Variants in NR1H4 observed in about 807,000 individuals in gnomAD.
NR1H4 encodes nuclear receptor subfamily 1 group H member 4.
NR1H4 carries 23 observed loss-of-function variants against 58.5 expected under a neutral mutation model. The ratio of observed to expected loss-of-function variants is 0.39; its 90% CI spans 0.28 to 0.56. The LOEUF is 0.56. NR1H4 is among the 20% of genes least tolerant of loss of function. The pLI, the probability that NR1H4 is intolerant of heterozygous loss-of-function variation, is 0.58. For synonymous variants in NR1H4, 214 were observed against 198.0 expected (o/e 1.08, Z -0.68); for missense variants, 487 against 576.9 (o/e 0.84, Z 1.60).
At chr12:100,546,252 G>A (rs890682759) in intron 9 of NR1H4, among the ~76,000 whole-genome samples, 5 of 152,086 alleles carry the variant, frequency 3.3e-5, no homozygotes, top group African/African-American at 1.2e-4. Flanking sequence ...GCACTTTGAG[G>A]TAGATATTAT....
chr12:100,482,042 C>T (rs1953393287), intron 1 of NR1H4, among the ~76,000 whole-genome samples: 1 of 152,164 alleles, frequency 6.6e-6, no homozygotes, highest in Non-Finnish European at 1.5e-5. Context: ...GTCAAGACTG[C>T]AGCGAGCTAA....
In NR1H4 at chr12:100,534,895, T is replaced by C; in HGVS notation, c.604T>C (p.Leu202=). ...TCTATGCTTATTTGTTTTAGGCTTGTTAACTGAAATTCAGTGTAAATCTAA... is the reference window on the plus strand; with the variant it reads ...TCTATGCTTATTTGTTTTAGGCTTGCTAACTGAAATTCAGTGTAAATCTAA... ...MLAECMYTGL[L]TEIQCKSKRL... Residue 202 remains leucine, a synonymous_variant, in exon 6 of 11, where the codon TTA becomes CTA. Transcript: ENST00000392986. 1 of 1,614,220 alleles carries C rather than the reference T, an allele frequency of 6.2e-7. No homozygotes were observed. The highest frequency in any genetic ancestry group is 1.6e-4 in the Middle Eastern group (1 of 6,062).
intron 1 of NR1H4, among the ~76,000 whole-genome samples, chr12:100,482,551 AT>A (rs1953404009): frequency 6.6e-6 from 1 of 152,212 alleles, no homozygotes; most frequent in African/African-American, 2.4e-5. Context: ...TGGAGATCCA[AT>A]GTAATCTCTC....
chr12:100,486,160 G>A (rs145830717), intron 1 of NR1H4, among the ~76,000 whole-genome samples: 32 of 152,260 alleles, frequency 2.1e-4, no homozygotes, highest in African/African-American at 6.0e-4. Context: ...CAGGTCATGC[G>A]TGAAGCTACG....
At chr12:100,546,065 C>T (rs1468465614) in intron 9 of NR1H4, among the ~76,000 whole-genome samples, 1 of 152,100 alleles carries the variant, frequency 6.6e-6, no homozygotes, top group African/African-American at 2.4e-5. Context: ...ACCCACTATG[C>T]TCATTCACCA....
intron 8 of NR1H4, among the ~76,000 whole-genome samples, chr12:100,539,530 C>T (rs1433654073): frequency 1.3e-5 from 2 of 152,136 alleles, no homozygotes; most frequent in East Asian, 3.9e-4. Flanking sequence ...CTATTTAGTT[C>T]TTCCCAAGCC....
At chr12:100,495,399 A>G (rs973546551) in intron 3 of NR1H4, among the ~76,000 whole-genome samples, 3 of 152,040 alleles carry the variant, frequency 2.0e-5, no homozygotes, top group African/African-American at 7.2e-5. Context: ...ATTATTTTCA[A>G]ATCTCTTTCC....
intron 9 of NR1H4, among the ~76,000 whole-genome samples, chr12:100,552,526 A>T (rs1955225575): frequency 6.6e-6 from 1 of 152,184 alleles, no homozygotes; most frequent in Admixed American, 6.5e-5. Context: ...CACCTTCATC[A>T]TAAAGAACTA....
At chr12:100,513,188 A>G (rs900079594) in intron 4 of NR1H4, among the ~76,000 whole-genome samples, 7 of 152,146 alleles carry the variant, frequency 4.6e-5, no homozygotes, top group African/African-American at 1.7e-4. Context: ...CTATATTGCT[A>G]CTCATAGCAC....
At chr12:100,546,374 C>T (rs907506751) in intron 9 of NR1H4, among the ~76,000 whole-genome samples, 13 of 152,034 alleles carry the variant, frequency 8.6e-5, no homozygotes, top group African/African-American at 3.1e-4. Context: ...CCTTCCAGTA[C>T]CCTGACTCTA....
At chr12:100,481,223 C>T (rs999930630) in intron 1 of NR1H4, among the ~76,000 whole-genome samples, 4 of 151,746 alleles carry the variant, frequency 2.6e-5, no homozygotes, top group African/African-American at 9.7e-5. Context: ...AAACAATTTC[C>T]ATGAGTAAGA....
At chr12:100,506,664 C>G (rs141135103) in intron 3 of NR1H4, among the ~76,000 whole-genome samples, 1 of 152,070 alleles carries the variant, frequency 6.6e-6, no homozygotes, top group Non-Finnish European at 1.5e-5. Context: ...CCTGCCACCA[C>G]GTCCAGCTAA....
chr12:100,476,640 T>G, intron 1 of NR1H4, among the ~76,000 whole-genome samples: 1 of 152,306 alleles, frequency 6.6e-6, no homozygotes, highest in South Asian at 2.1e-4. Context: ...GGTTCTTTAC[T>G]TCATAGAAAG....
At chr12:100,523,693 C>T (rs1026580918) in intron 4 of NR1H4, among the ~76,000 whole-genome samples, 1 of 152,014 alleles carries the variant, frequency 6.6e-6, no homozygotes, top group African/African-American at 2.4e-5. Flanking sequence ...TTTGTTATTC[C>T]TCTGTTCATT....
chr12:100,544,647 A>G (rs943456260), intron 9 of NR1H4, among the ~76,000 whole-genome samples: 7 of 152,162 alleles, frequency 4.6e-5, no homozygotes, highest in African/African-American at 1.7e-4. Flanking sequence ...CACCTAGCAC[A>G]TGCCTGGCTT....
chr12:100,556,467 C>CAAA lies in NR1H4; in HGVS notation c.1079-5417_1079-5415dup, dbSNP rs781520049. Among the ~76,000 whole-genome samples the CAAA allele has an allele frequency of 1.9e-4, 17 of 87,422 alleles. 1 individual carries two copies. The highest frequency in any genetic ancestry group is 3.5e-4 in the Non-Finnish European group (12 of 34,052). 57.4% of individuals were successfully genotyped at this position (87,422 alleles called of 152,430 possible). A position where few individuals can be genotyped will look rare whatever the true frequency, so the allele number is the denominator to read the frequency against. ...GGGCAACAAGAGTGAAACTCCGTCT[C>CAAA]AAAGAAAAAAAAAACAAAAAACAAA... On this transcript the variant is annotated intron_variant, in intron 9 of 10. Coordinates refer to ENST00000392986, the MANE Select transcript of NR1H4 (RefSeq NM_001206979.2).
chr12:100,499,325 G>C (rs1448386170), intron 3 of NR1H4, among the ~76,000 whole-genome samples: 1 of 152,196 alleles, frequency 6.6e-6, no homozygotes, highest in Non-Finnish European at 1.5e-5. Flanking sequence ...AGATACCATT[G>C]TCTCAGATAA....
intron 3 of NR1H4, among the ~76,000 whole-genome samples, chr12:100,509,905 G>A (rs1397810336): frequency 2.7e-5 from 4 of 146,830 alleles, no homozygotes; most frequent in Middle Eastern, 3.4e-3. Flanking sequence ...TTGCACGTGG[G>A]CACGTGCGCG....
chr12:100,491,158 C>G (rs149182818), intron 1 of NR1H4, among the ~76,000 whole-genome samples: 1 of 152,068 alleles, frequency 6.6e-6, no homozygotes, highest in African/African-American at 2.4e-5. Context: ...CCTCCCTCCC[C>G]GACAACACCC....
Sources: allele counts gnomAD v4.1 joint callset (sites outside exome capture counted in the v4.1 genomes callset), GRCh38; gene constraint gnomAD v4.1.1; transcripts MANE v1.5; gene names NCBI Gene and HGNC (gene_info 2026-07-23, HGNC 2026-07-21).